The following POLR3A variants were observed in gnomAD, a reference collection of about 807,000 sequenced individuals.
POLR3A encodes the protein DNA-directed RNA polymerase III subunit RPC1.
A neutral mutation model predicts 152.8 loss-of-function variants in POLR3A; 112 were observed. That is an observed-to-expected ratio of 0.73 (90% confidence interval 0.63 to 0.86). POLR3A has a LOEUF of 0.86. POLR3A is among the 40% of genes least tolerant of loss of function. The probability of loss-of-function intolerance (pLI) is 0.00; values close to 1 mark genes in which losing one functional copy is unlikely to be tolerated. For missense variants in POLR3A, 1,385 were observed against 1,743.1 expected (o/e 0.79, Z 3.66); for synonymous variants, 615 against 652.1 (o/e 0.94, Z 0.87).
chr10:77,982,927 C>A (rs140594830), intron 26 of POLR3A, 110 bp from the exon 27 acceptor site: 31 of 851,658 alleles, frequency 3.6e-5, no homozygotes, highest in African/African-American at 6.7e-5. Flanking sequence ...AAGCACCCCC[C>A]ACCCGCACCA....
At position 78,009,907 on chromosome 10, in the gene POLR3A, T is replaced by A. The variant is rs1462341077; in HGVS notation, c.1727A>T (p.Asp576Val). 2 of 1,614,114 alleles carry A rather than the reference T, an allele frequency of 1.2e-6. No homozygotes were observed. The highest frequency in any genetic ancestry group is 1.7e-6 in the Non-Finnish European group (2 of 1,180,034). The change falls in exon 13 of 31, where the codon GAT (aspartate) becomes GTT (valine). Residue 576 changes from aspartate to valine, a missense_variant. Asp to Val is a radical substitution (Grantham distance 152). Around this residue, in one of 7 missense-constraint regions of POLR3A, gnomAD observed 188 missense variants for 179.9 expected, o/e 1.04. Coordinates refer to ENST00000372371, the MANE Select transcript of POLR3A (RefSeq NM_007055.4). Reference protein sequence around the residue: ...QIIASILVGKDEKIKVRLPPP... With the variant: ...QIIASILVGKVEKIKVRLPPP... ...TGGGAGGCGAACTTTAATTTTCTCA[T>A]CCTTGCCAACCAGTATTGAAGCAAT...
intron 24 of POLR3A, 68 bp downstream of exon 24, chr10:77,985,102 C>T (rs765096477): frequency 1.0e-5 from 13 of 1,280,858 alleles, no homozygotes; most frequent in Middle Eastern, 3.7e-4. Flanking sequence ...GCATGTGACA[C>T]GGGGATCATT....
intron 15 of POLR3A, among the ~76,000 whole-genome samples, chr10:78,006,925 C>G (rs566626016): frequency 3.1e-4 from 47 of 152,232 alleles, no homozygotes; most frequent in African/African-American, 1.1e-3. Flanking sequence ...TCAAGACCAA[C>G]CTGGGCAACA....
Position 77,993,293 on chromosome 10 carries a change from A to G in POLR3A, c.2691T>C (p.Ile897=), listed in dbSNP as rs1564616018. 2 of 1,612,598 alleles carry G rather than the reference A, an allele frequency of 1.2e-6. No individual in the cohort carries two copies. Among genetic ancestry groups the G allele is most frequent in the East Asian group, 2.2e-5 (1 of 44,870 alleles). Residue 897 remains isoleucine (I), a synonymous_variant, in exon 20 of 31, where the codon ATT becomes ATC. Transcript: ENST00000372371. ...DLTVRSSTGD[I]IQFIYGGDGL... ...CATCTCCTCCATAAATGAACTGGAT[A>G]ATATCGCCAGTAGAGCTTCGGACTG...
At chr10:78,029,303 C>A in intron 1 of POLR3A, 61 bp downstream of exon 1, 1 of 1,564,574 alleles carries the variant, frequency 6.4e-7, no homozygotes. Context: ...GACCCGGGAC[C>A]GCTGACCTCG....
rs1268067204 is a variant in POLR3A, at chr10:77,982,837, A to G, written c.3430-20T>C. ...GTTCACCTGCAACATGGCCAGGTGTAGGTGTTACTGATTCCAGTGTTGTTC... is the reference window on the plus strand; with the variant it reads ...GTTCACCTGCAACATGGCCAGGTGTGGGTGTTACTGATTCCAGTGTTGTTC... On this transcript the variant is annotated intron_variant, in intron 26 of 30. Transcript: ENST00000372371. 13 of 1,611,444 alleles carry G rather than the reference A, an allele frequency of 8.1e-6. No individual in the cohort carries two copies. Among genetic ancestry groups the G allele is most frequent in the Admixed American group, 1.7e-5 (1 of 60,006 alleles).
In POLR3A at chr10:77,993,978, C is replaced by CA. The variant is rs150367323; in HGVS notation, c.2617-612dup. Among the ~76,000 whole-genome samples, 107 of 152,236 alleles carry CA rather than the reference C, an allele frequency of 7.0e-4. No homozygotes were observed. In the East Asian group the frequency reaches 0.019, roughly 27 times the overall value. ...AATCTTCCTCTAGGCAACTTCAAAA[C>CA]AAAAAATCCCTTATGCCAGAACTAA... is the stretch of plus-strand genomic sequence containing the variant. On this transcript the variant is annotated intron_variant, in intron 19 of 30. Coordinates refer to ENST00000372371, the MANE Select transcript of POLR3A (RefSeq NM_007055.4).
intron 5 of POLR3A, among the ~76,000 whole-genome samples, chr10:78,022,924 G>A (rs557185939): frequency 1.1e-3 from 169 of 152,316 alleles, no homozygotes; most frequent in African/African-American, 3.9e-3. Flanking sequence ...TTGGAAGGCC[G>A]AGGTAGGTAG....
chr10:78,006,395 C>CAAAAAAAAAAAAAAAAA (rs36050560), intron 15 of POLR3A, among the ~76,000 whole-genome samples: 1 of 21,946 alleles, frequency 4.6e-5, no homozygotes, highest in African/African-American at 1.1e-4. Context: ...GACTCTGTCT[C>CAAAAAAAAAAAAAAAAA]AAAAAAAAAA....
chr10:78,025,864 T>TA, intron 2 of POLR3A, 105 bp from the exon 3 acceptor site: 1 of 1,237,922 alleles, frequency 8.1e-7, no homozygotes, highest in Non-Finnish European at 1.2e-6. Flanking sequence ...TTTTGCTTCT[T>TA]AAATTTCCTT....
At chr10:77,984,337 G>C in intron 24 of POLR3A, 39 bp from the exon 25 acceptor site, 1 of 1,216,378 alleles carries the variant, frequency 8.2e-7, no homozygotes, top group East Asian at 2.3e-5. Flanking sequence ...TAGCACAAGG[G>C]AGGAGGCTGT....
intron 19 of POLR3A, among the ~76,000 whole-genome samples, chr10:77,995,768 C>G (rs1234943678): frequency 6.6e-6 from 1 of 152,152 alleles, no homozygotes; most frequent in Non-Finnish European, 1.5e-5. Flanking sequence ...AGAAAGTTAA[C>G]AAGGATATCC....
chr10:77,986,233 TC>T, intron 21 of POLR3A, 74 bp from the exon 22 acceptor site: 1 of 831,752 alleles, frequency 1.2e-6, no homozygotes, highest in Non-Finnish European at 2.1e-6. Context: ...TTCATAAACC[TC>T]AGTTGTATAT....
intron 8 of POLR3A, 35 bp downstream of exon 8, chr10:78,021,510 TA>T (rs760882085): frequency 3.9e-5 from 63 of 1,612,062 alleles, no homozygotes; most frequent in Non-Finnish European, 5.0e-5. Context: ...AGACTGAATT[TA>T]AAACAAAGAA....
rs79980097 is a variant in POLR3A at position 77,978,068 on chromosome 10, T to A, written c.4025-442A>T. ...CAGTAGTGAGCAGAATACAATCCCC[T>A]TGGAAACTGCGGTAGGCAGCTGTTA... is the stretch of plus-strand genomic sequence containing the variant. On this transcript the variant is annotated intron_variant, in intron 30 of 30. Coordinates refer to ENST00000372371, the MANE Select transcript of POLR3A (RefSeq NM_007055.4). Among the ~76,000 whole-genome samples the A allele has an allele frequency of 3.5e-3, 535 of 152,292 alleles. 3 individuals are homozygous for A. Among genetic ancestry groups the A allele is most frequent in the African/African-American group, 0.012 (518 of 41,554 alleles).
chr10:78,024,717 T>C lies in POLR3A; in HGVS notation c.491-14A>G. 6.2e-7 allele frequency: 1 copy of C among 1,607,682 alleles called. No homozygotes were observed. The highest frequency in any genetic ancestry group is 8.5e-7 in the Non-Finnish European group (1 of 1,174,484). ...TCTTTACGGTACCTATAAGGGTTAG[T>C]TTATTTACCAAGAAATAAAAAATTA... On this transcript the variant is annotated splice_polypyrimidine_tract_variant and intron_variant, in intron 4 of 30. Transcript: ENST00000372371.
intron 19 of POLR3A, 35 bp from the exon 20 acceptor site, chr10:77,993,402 G>A (rs781121999): frequency 1.5e-5 from 23 of 1,536,994 alleles, no homozygotes; most frequent in Non-Finnish European, 1.9e-5. Context: ...CAGCTGCTTT[G>A]AGAAGACTAG....
At chr10:78,029,314 G>A (rs374205411) in intron 1 of POLR3A, 50 bp downstream of exon 1, 1 of 1,595,682 alleles carries the variant, frequency 6.3e-7, no homozygotes, top group Non-Finnish European at 8.6e-7. Flanking sequence ...GCTGACCTCG[G>A]ACCCCTTGCC....
chr10:77,989,250 G>C (rs1847225349), intron 21 of POLR3A, among the ~76,000 whole-genome samples: 1 of 152,220 alleles, frequency 6.6e-6, no homozygotes, highest in Admixed American at 6.5e-5. Flanking sequence ...CCAGAAGTTA[G>C]TGTCTCATGC....
Sources: allele counts gnomAD v4.1 joint callset (sites outside exome capture counted in the v4.1 genomes callset), GRCh38; gene constraint gnomAD v4.1.1; regional missense constraint gnomAD v4.1.1; transcripts MANE v1.5; gene names NCBI Gene and HGNC (gene_info 2026-07-23, HGNC 2026-07-21).